The following DNPH1 variants were observed in gnomAD, a reference collection of about 807,000 sequenced individuals.
DNPH1 encodes 5-hydroxymethyl-dUMP N-hydrolase.
A neutral mutation model predicts 15.7 loss-of-function variants in DNPH1; 18 were observed. The observed-to-expected ratio is 1.15, with a 90% CI of 0.79 to 1.70. DNPH1 has a LOEUF of 1.70. Among genes scored for constraint, DNPH1 ranks in the 40% most tolerant of loss-of-function variants. DNPH1 has a pLI of 0.00. For synonymous variants in DNPH1, 114 were observed against 107.9 expected (o/e 1.06, Z -0.35); for missense variants, 262 against 255.2 (o/e 1.03, Z -0.18).
intron 1 of DNPH1, among the ~76,000 whole-genome samples, chr6:43,227,667 G>A (rs1418670823): frequency 6.6e-6 from 1 of 151,996 alleles, no homozygotes. Context: ...CCCACAAATT[G>A]TGGGTCTGCT....
intron 1 of DNPH1, among the ~76,000 whole-genome samples, chr6:43,228,788 T>C (rs1017527997): frequency 6.6e-6 from 1 of 151,798 alleles, no homozygotes; most frequent in Non-Finnish European, 1.5e-5. Flanking sequence ...ATCACGCAAC[T>C]GCACTCCAGC....
chr6:43,226,109 A>G lies in DNPH1; in HGVS notation c.300T>C (p.Gly100=), dbSNP rs751252180. The G allele has an allele frequency of 6.2e-7, 1 of 1,613,524 alleles. No individual in the cohort carries two copies. Among genetic ancestry groups the G allele is most frequent in the Non-Finnish European group, 8.5e-7 (1 of 1,180,006 alleles). Residue 100 remains glycine, a synonymous_variant, in exon 3 of 4, where the codon GGT becomes GGC. Transcript: ENST00000230431. The surrounding 1 kb of genome is among the most constrained non-coding windows in gnomAD (Gnocchi z 4.1). ...CGGCCCGGCCCAGCTCATAGCCTAC[A>G]CCCAAGGATGGCTGTGTCACTTCTG... ...VVAEVTQPSL[G]VGYELGRAVA... is the part of the protein sequence containing the mutation.
chr6:43,226,489 G>T lies in DNPH1; in HGVS notation c.197-94C>A. 1 of 1,176,390 alleles carries T rather than the reference G, an allele frequency of 8.5e-7. No individual in the cohort carries two copies. The highest frequency in any genetic ancestry group is 1.2e-6 in the Non-Finnish European group (1 of 851,038). 72.9% of individuals were successfully genotyped at this position (1,176,390 alleles called of 1,614,324 possible). ...TGTCCATACCCACCCTGCTCAGGGA[G>T]GGTGGGAGCCTTGTGCCAGATGACC... On this transcript the variant is annotated intron_variant, in intron 1 of 3. Transcript: ENST00000230431. The surrounding 1 kb of genome is among the most constrained non-coding windows in gnomAD (Gnocchi z 4.1).
Position 43,229,451 on chromosome 6 carries a change from A to AGCC in DNPH1, c.3_5dup (p.Ala4dup). On this transcript the variant is annotated inframe_insertion, in exon 1 of 4. Transcript: ENST00000230431. ...CGCTGCGCCCCGGCACCATGGCAGC[A>AGCC]GCCATTCCCCAGCCGCCCGCGCTCT... The AGCC allele has an allele frequency of 7.6e-7, 1 of 1,313,430 alleles. No individual in the cohort carries two copies. Among genetic ancestry groups the AGCC allele is most frequent in the Non-Finnish European group, 9.7e-7 (1 of 1,031,598 alleles). 81.4% of individuals were successfully genotyped at this position (1,313,430 alleles called of 1,614,324 possible). A position where few individuals can be genotyped will look rare whatever the true frequency, so the allele number is the denominator to read the frequency against.
In DNPH1 at chr6:43,226,160, G is replaced by C. The variant is rs201993366; in HGVS notation, c.266-17C>G. The C allele has an allele frequency of 3.2e-5, 51 of 1,612,654 alleles. No homozygotes were observed. In the East Asian group the frequency reaches 9.6e-4, roughly 30 times the overall value. ...CCACGACCACTGGGAGGAAAGATGA[G>C]AGGAAGCCTCAGCATTGGGGGCACT... On this transcript the variant is annotated splice_polypyrimidine_tract_variant and intron_variant, in intron 2 of 3. Transcript: ENST00000230431. The surrounding 1 kb of genome is among the most constrained non-coding windows in gnomAD (Gnocchi z 4.1).
At chr6:43,227,723 G>A (rs1175013133) in intron 1 of DNPH1, among the ~76,000 whole-genome samples, 1 of 151,902 alleles carries the variant, frequency 6.6e-6, no homozygotes, top group Non-Finnish European at 1.5e-5. Flanking sequence ...CTGAGCAGAA[G>A]CACAAGCATT....
In DNPH1 at chr6:43,229,378, C is replaced by G; in HGVS notation, c.79G>C (p.Gly27Arg). 1 of 1,486,118 alleles carries G rather than the reference C, an allele frequency of 6.7e-7. No homozygotes were observed. The highest frequency in any genetic ancestry group is 8.9e-7 in the Non-Finnish European group (1 of 1,120,240). 92.1% of individuals were successfully genotyped at this position (1,486,118 alleles called of 1,614,324 possible). ...TCCTCGCGTCCGCCGCGAATGCTCC[C>G]GCAGAAGTACAGGGCCGGGCGGCCA... ...EPGRPALYFC[G>R]SIRGGREDRT... is the part of the protein sequence containing the mutation. Residue 27 changes from glycine to arginine, a missense_variant, in exon 1 of 4, where the codon GGG (glycine) becomes CGG (arginine). Transcript: ENST00000230431.
In DNPH1 at chr6:43,229,252, G is replaced by C. The variant is rs1776787688; in HGVS notation, c.196+9C>G. 11 of 1,404,776 alleles carry C rather than the reference G, an allele frequency of 7.8e-6. No homozygotes were observed. Among genetic ancestry groups the C allele is most frequent in the Non-Finnish European group, 1.0e-5 (11 of 1,078,356 alleles). The allele number at this position is 1,404,776 out of a possible 1,614,324, so 87.0% of individuals were successfully genotyped here. A position where few individuals can be genotyped will look rare whatever the true frequency, so the allele number is the denominator to read the frequency against. ...CGCGTCCCCGCGTCCCGCGGCCCCA[G>C]GGCCTCACCGCGCGCGCCCAGCTCG... is the stretch of plus-strand genomic sequence containing the variant. On this transcript the variant is annotated intron_variant, in intron 1 of 3. Coordinates refer to ENST00000230431, the MANE Select transcript of DNPH1 (RefSeq NM_006443.3).
rs1332280146 is a variant in DNPH1 at position 43,225,682 on chromosome 6, G to A, written c.*51C>T. ...GCTCCTGGGGCTAAGAGGAAGGAATGGTACTAGAGCAGTGTCTGAGAATAG... is the reference window on the plus strand; with the variant it reads ...GCTCCTGGGGCTAAGAGGAAGGAATAGTACTAGAGCAGTGTCTGAGAATAG... On this transcript the variant is annotated 3_prime_UTR_variant, in exon 4 of 4. Transcript: ENST00000230431. 6.3e-7 allele frequency: 1 copy of A among 1,594,968 alleles called. No homozygotes were observed. The highest frequency in any genetic ancestry group is 8.6e-7 in the Non-Finnish European group (1 of 1,166,690).
Position 43,225,660 on chromosome 6 carries a change from C to T in DNPH1, c.*73G>A, listed in dbSNP as rs1776715107. On this transcript the variant is annotated 3_prime_UTR_variant, in exon 4 of 4. Transcript: ENST00000230431. ...TTTTAACTGTACCTTTTAATTTGCT[C>T]CTGGGGCTAAGAGGAAGGAATGGTA... 1.3e-6 allele frequency: 2 copies of T among 1,568,214 alleles called. No homozygotes were observed. Among genetic ancestry groups the T allele is most frequent in the Non-Finnish European group, 8.7e-7 (1 of 1,149,626 alleles).
Position 43,226,835 on chromosome 6 carries a change from G to A in DNPH1, c.197-440C>T, listed in dbSNP as rs1164327980. ...AAGTACAGATTCCAGGGCCAGGCGC[G>A]GTGGCTCATGCCTGTAATCCCAGCA... On this transcript the variant is annotated intron_variant, in intron 1 of 3. Coordinates refer to ENST00000230431, the MANE Select transcript of DNPH1 (RefSeq NM_006443.3). This position sits in a 1 kb window ranked among gnomAD's most constrained non-coding sequence, Gnocchi z 4.1. Among the ~76,000 whole-genome samples the A allele has an allele frequency of 3.9e-5, 6 of 152,204 alleles. No homozygotes were observed. Among genetic ancestry groups the A allele is most frequent in the East Asian group, 1.9e-4 (1 of 5,190 alleles).
intron 1 of DNPH1, among the ~76,000 whole-genome samples, chr6:43,228,245 C>G (rs1776771952): frequency 6.6e-6 from 1 of 151,728 alleles, no homozygotes; most frequent in African/African-American, 2.4e-5. Context: ...TCACTTGAGG[C>G]TAGGAGGTCG....
rs1260478128 is a variant in DNPH1 at position 43,229,337 on chromosome 6, C to T, written c.120G>A (p.Glu40=). The change falls in exon 1 of 4, where the codon GAG becomes GAA. Residue 40 remains glutamate (E), a synonymous_variant. Transcript: ENST00000230431. ...RGGREDRTLY[E]RIVSRLRRFG... ...ATCGCCGCAGCCGAGACACGATCCGCTCGTACAGCGTCCTGTCCTCGCGTC... is the reference window on the plus strand; with the variant it reads ...ATCGCCGCAGCCGAGACACGATCCGTTCGTACAGCGTCCTGTCCTCGCGTC... The T allele has an allele frequency of 1.3e-6, 2 of 1,493,682 alleles. No homozygotes were observed. Among genetic ancestry groups the T allele is most frequent in the Non-Finnish European group, 1.8e-6 (2 of 1,124,652 alleles). 92.5% of individuals were successfully genotyped at this position (1,493,682 alleles called of 1,614,324 possible).
chr6:43,226,319 C>A lies in DNPH1; in HGVS notation c.265+8G>T. The A allele has an allele frequency of 6.2e-7, 1 of 1,611,760 alleles. No homozygotes were observed. The highest frequency in any genetic ancestry group is 8.5e-7 in the Non-Finnish European group (1 of 1,179,650). The stretch of plus-strand genomic sequence containing the variant: ...AGTTAGGTGCTGGAAGGAGGGAGCG[C>A]CACTCACCGTCCGCCTGCTGCAGCC... On this transcript the variant is annotated splice_region_variant and intron_variant, in intron 2 of 3. Transcript: ENST00000230431. The surrounding 1 kb of genome is among the most constrained non-coding windows in gnomAD (Gnocchi z 4.1).
chr6:43,225,849 C>T lies in DNPH1; in HGVS notation c.409G>A (p.Gly137Ser), dbSNP rs747879216. The T allele has an allele frequency of 1.9e-6, 3 of 1,614,178 alleles. No individual in the cohort carries two copies. Among genetic ancestry groups the T allele is most frequent in the Admixed American group, 1.7e-5 (1 of 60,018 alleles). Residue 137 changes from glycine to serine, a missense_variant, in exon 4 of 4, where the codon GGC becomes AGC. By Grantham distance (56) the Gly-to-Ser change is moderately conservative (BLOSUM62 0). Transcript: ENST00000230431. ...LSAMIRGAAD[G>S]SRFQVWDYEE... ...TAGTCCCACACCTGGAACCGAGAGCCATCTGCTGCTCCCCGGATCATGGCC... is the reference window on the plus strand; with the variant it reads ...TAGTCCCACACCTGGAACCGAGAGCTATCTGCTGCTCCCCGGATCATGGCC...
At position 43,226,135 on chromosome 6, in the gene DNPH1, C is replaced by A; in HGVS notation, c.274G>T (p.Ala92Ser). Residue 92 changes from alanine (A) to serine (S), a missense_variant, in exon 3 of 4, where the codon GCA (alanine) becomes TCA (serine). By Grantham distance (99) the Ala-to-Ser change is moderately conservative. Coordinates refer to ENST00000230431, the MANE Select transcript of DNPH1 (RefSeq NM_006443.3). This position sits in a 1 kb window ranked among gnomAD's most constrained non-coding sequence, Gnocchi z 4.1. ...EWLQQADVVVAEVTQPSLGVG... is the reference protein window; with the variant it reads ...EWLQQADVVVSEVTQPSLGVG... ...CCCAAGGATGGCTGTGTCACTTCTG[C>A]CACGACCACTGGGAGGAAAGATGAG... The A allele has an allele frequency of 6.2e-7, 1 of 1,613,176 alleles. No homozygotes were observed.
At chr6:43,225,972 C>T (rs762093690) in intron 3 of DNPH1, 61 bp downstream of exon 3, 1 of 1,613,048 alleles carries the variant, frequency 6.2e-7, no homozygotes, top group Non-Finnish European at 8.5e-7. Context: ...TCAGAGCCCA[C>T]CAGGGAAGGA....
In DNPH1 at chr6:43,226,422, A is replaced by T. The variant is rs753225222; in HGVS notation, c.197-27T>A. 3.7e-6 allele frequency: 6 copies of T among 1,602,878 alleles called. 1 individual carries two copies. In the South Asian group the frequency reaches 6.7e-5, roughly 18 times the overall value. ...TGTGTTGAGGGAAAGCTGGTCAAGG[A>T]CATGCCTCATGCTGGCTCCCAGTAA... On this transcript the variant is annotated intron_variant, in intron 1 of 3. Coordinates refer to ENST00000230431, the MANE Select transcript of DNPH1 (RefSeq NM_006443.3). This position sits in a 1 kb window ranked among gnomAD's most constrained non-coding sequence, Gnocchi z 4.1.
rs1026472444 is a variant in DNPH1 at position 43,229,444 on chromosome 6, T to C, written c.13A>G (p.Met5Val). 4 of 1,337,658 alleles carry C rather than the reference T, an allele frequency of 3.0e-6. No homozygotes were observed. The highest frequency in any genetic ancestry group is 1.5e-5 in the African/African-American group (1 of 65,834). 82.9% of individuals were successfully genotyped at this position (1,337,658 alleles called of 1,614,324 possible). The part of the protein sequence containing the change: MAAA[M>V]VPGRSESWER... ...CAGCTCTCGCTGCGCCCCGGCACCA[T>C]GGCAGCAGCCATTCCCCAGCCGCCC... Residue 5 changes from methionine (M) to valine (V), a missense_variant, in exon 1 of 4, where the codon ATG (methionine) becomes GTG (valine). By Grantham distance (21) the Met-to-Val change is conservative (BLOSUM62 1). Coordinates refer to ENST00000230431, the MANE Select transcript of DNPH1 (RefSeq NM_006443.3).
Sources: allele counts gnomAD v4.1 joint callset (sites outside exome capture counted in the v4.1 genomes callset), GRCh38; gene constraint gnomAD v4.1.1; non-coding constraint Gnocchi (gnomAD v3.1); transcripts MANE v1.5; gene names NCBI Gene and HGNC (gene_info 2026-07-23, HGNC 2026-07-21).